MARCHF1: variants seen among roughly 807,000 people sequenced by gnomAD.
MARCHF1 encodes the protein E3 ubiquitin-protein ligase MARCHF1.
Under a neutral mutation model 54.2 loss-of-function variants are expected in MARCHF1, and 40 were observed. The ratio of observed to expected loss-of-function variants is 0.74; its 90% CI spans 0.57 to 0.96. MARCHF1 has a LOEUF of 0.96. Among genes scored for constraint, MARCHF1 ranks in the 40% least tolerant of loss-of-function variants. The pLI is 0.00. For synonymous variants in MARCHF1, 236 were observed against 236.3 expected (o/e 1.00, Z 0.01); for missense variants, 586 against 656.5 (o/e 0.89, Z 1.17).
chr4:163,541,804 A>G (rs1055182716), intron 9 of MARCHF1, among the ~76,000 whole-genome samples: 2 of 152,230 alleles, frequency 1.3e-5, no homozygotes, highest in African/African-American at 2.4e-5. Flanking sequence ...CAACAACTTT[A>G]CAAGTAAATT....
chr4:164,362,457 C>T (rs1232757339), intron 1 of MARCHF1, among the ~76,000 whole-genome samples: 1 of 152,052 alleles, frequency 6.6e-6, no homozygotes, highest in Non-Finnish European at 1.5e-5. Context: ...CAGGGCCATA[C>T]AGGGAGCTAG....
At chr4:163,780,621 T>TC (rs1747437704) in intron 4 of MARCHF1, among the ~76,000 whole-genome samples, 1 of 42,402 alleles carries the variant, frequency 2.4e-5, no homozygotes, top group Non-Finnish European at 8.9e-5. Flanking sequence ...AATTATGGCT[T>TC]TATTTTACCA....
At chr4:163,975,176 TC>T in intron 3 of MARCHF1, among the ~76,000 whole-genome samples, 1 of 125,178 alleles carries the variant, frequency 8.0e-6, no homozygotes, top group Non-Finnish European at 1.5e-5. Flanking sequence ...TCTCTCTCTC[TC>T]TCTCTCTCTC....
intron 3 of MARCHF1, among the ~76,000 whole-genome samples, chr4:163,861,251 C>A (rs1404553830): frequency 4.6e-5 from 7 of 151,966 alleles, no homozygotes; most frequent in African/African-American, 1.7e-4. Context: ...AACTTCAGAA[C>A]TGAAATGAAA....
chr4:164,045,510 T>TA (rs1754223282), intron 2 of MARCHF1, among the ~76,000 whole-genome samples: 1 of 106,878 alleles, frequency 9.4e-6, no homozygotes, highest in African/African-American at 3.2e-5. Flanking sequence ...AGACTCCATC[T>TA]TTAAATAAAT....
chr4:164,058,339 A>C (rs1428618633), intron 2 of MARCHF1, among the ~76,000 whole-genome samples: 2 of 152,224 alleles, frequency 1.3e-5, no homozygotes, highest in African/African-American at 4.8e-5. Context: ...CCACTGATGT[A>C]GTAGAAAGTT....
At chr4:163,927,750 A>C (rs1467756416) in intron 3 of MARCHF1, among the ~76,000 whole-genome samples, 1 of 151,768 alleles carries the variant, frequency 6.6e-6, no homozygotes. Context: ...TGTAAAATGC[A>C]CCCAGGGTTT....
chr4:164,076,848 G>A (rs1754991705), intron 2 of MARCHF1, among the ~76,000 whole-genome samples: 1 of 152,090 alleles, frequency 6.6e-6, no homozygotes, highest in East Asian at 1.9e-4. Flanking sequence ...CCTCTTCAAG[G>A]AGAGCTACAA....
Position 164,155,143 on chromosome 4 carries a change from G to C in MARCHF1, c.-322-43481C>G, listed in dbSNP as rs554275600. Among the ~76,000 whole-genome samples the C allele has an allele frequency of 2.6e-5, 4 of 152,236 alleles. No individual in the cohort carries two copies. The South Asian group carries it at 8.3e-4, about 32-fold the overall frequency. ...ATATGGGCATAAGATAGGGGGCATGGTGGGCCAAAAGGCAACTTTTTGGCT... is the reference window on the plus strand; with the variant it reads ...ATATGGGCATAAGATAGGGGGCATGCTGGGCCAAAAGGCAACTTTTTGGCT... On this transcript the variant is annotated intron_variant, in intron 1 of 9. Coordinates refer to ENST00000514618, the MANE Select transcript of MARCHF1 (RefSeq NM_001394959.1).
chr4:164,171,888 A>G (rs1730534714), intron 1 of MARCHF1, among the ~76,000 whole-genome samples: 1 of 152,198 alleles, frequency 6.6e-6, no homozygotes. Flanking sequence ...TTCATTTTTC[A>G]ATTATTCTAT....
intron 3 of MARCHF1, among the ~76,000 whole-genome samples, chr4:163,911,804 G>A (rs1320533169): frequency 2.0e-5 from 3 of 152,048 alleles, no homozygotes; most frequent in Non-Finnish European, 2.9e-5. Flanking sequence ...AGAAGAATAT[G>A]GTCATCTATC....
chr4:164,344,458 T>TGTGTGTG (rs1730018865), intron 1 of MARCHF1, among the ~76,000 whole-genome samples: 2 of 147,978 alleles, frequency 1.4e-5, no homozygotes, highest in African/African-American at 4.9e-5. Context: ...ATGCACGTGT[T>TGTGTGTG]TGTGTGTGTG....
chr4:164,343,950 A>G (rs541254668), intron 1 of MARCHF1, among the ~76,000 whole-genome samples: 12 of 152,178 alleles, frequency 7.9e-5, no homozygotes, highest in Admixed American at 2.0e-4. Flanking sequence ...CATTATTCAC[A>G]ATCACAAAGT....
chr4:163,891,853 A>G (rs1750668121), intron 3 of MARCHF1, among the ~76,000 whole-genome samples: 1 of 152,206 alleles, frequency 6.6e-6, no homozygotes, highest in Non-Finnish European at 1.5e-5. Context: ...GAGGCAATTA[A>G]TAACATATGT....
At chr4:163,652,564 C>T (rs1388479546) in intron 5 of MARCHF1, among the ~76,000 whole-genome samples, 1 of 151,732 alleles carries the variant, frequency 6.6e-6, no homozygotes, top group African/African-American at 2.4e-5. Flanking sequence ...TTGTTATTTC[C>T]CCTATCTAAA....
intron 2 of MARCHF1, among the ~76,000 whole-genome samples, chr4:164,084,472 C>T (rs535357681): frequency 6.6e-5 from 10 of 151,728 alleles, no homozygotes; most frequent in South Asian, 4.1e-4. Context: ...AAAAGAATTT[C>T]CACATTTTCC....
intron 4 of MARCHF1, among the ~76,000 whole-genome samples, chr4:163,721,706 A>C (rs1561039278): frequency 1.3e-5 from 2 of 151,972 alleles, no homozygotes; most frequent in African/African-American, 2.4e-5. Context: ...TCAATTTCAG[A>C]GCCTGTTATT....
intron 2 of MARCHF1, among the ~76,000 whole-genome samples, chr4:164,079,732 T>A (rs1456482722): frequency 1.3e-5 from 2 of 152,160 alleles, no homozygotes; most frequent in Admixed American, 6.5e-5. Flanking sequence ...TATTTCTATT[T>A]ATCTACTTTT....
chr4:163,759,140 A>G (rs1377329938), intron 4 of MARCHF1, among the ~76,000 whole-genome samples: 1 of 151,242 alleles, frequency 6.6e-6, no homozygotes, highest in Non-Finnish European at 1.5e-5. Flanking sequence ...TAAATTATTC[A>G]TGCTGGTTTC....
Sources: allele counts gnomAD v4.1 joint callset (sites outside exome capture counted in the v4.1 genomes callset), GRCh38; gene constraint gnomAD v4.1.1; transcripts MANE v1.5; gene names NCBI Gene and HGNC (gene_info 2026-07-23, HGNC 2026-07-21).